The following EHD1 variants were observed in gnomAD, a reference collection of about 807,000 sequenced individuals.
EHD1 encodes EH domain containing 1.
In EHD1, 19 loss-of-function variants were observed where a neutral mutation model predicts 39.0. That is an observed-to-expected ratio of 0.49 (90% CI 0.34 to 0.72). The LOEUF is 0.72. Among genes scored for constraint, EHD1 ranks in the 30% least tolerant of loss-of-function variants. EHD1 has a pLI of 0.01. For synonymous variants in EHD1, 323 were observed against 331.2 expected (o/e 0.98, Z 0.27); for missense variants, 542 against 751.5 (o/e 0.72, Z 3.26).
rs1943864368 is a variant in EHD1, at chr11:64,874,485, C to T, written c.438G>A (p.Leu146=). ...GGGTGTCGATGATGCTGATGCTGTCCAGGACGGGGTTGGGCAGCTGGGCAC... is the reference window on the plus strand; with the variant it reads ...GGGTGTCGATGATGCTGATGCTGTCTAGGACGGGGTTGGGCAGCTGGGCAC... The part of the protein sequence containing the change: ...FMCAQLPNPV[L]DSISIIDTPG... Residue 146 remains leucine (L), a synonymous_variant, in exon 2 of 5, where the codon CTG becomes CTA. Transcript: ENST00000320631. 1.2e-6 allele frequency: 2 copies of T among 1,611,032 alleles called. No individual in the cohort carries two copies. The highest frequency in any genetic ancestry group is 1.3e-5 in the African/African-American group (1 of 74,764).
At chr11:64,855,678 G>A (rs962488501) in intron 3 of EHD1, 192 bp from the exon 4 acceptor site, 22 of 737,066 alleles carry the variant, frequency 3.0e-5, no homozygotes, top group Non-Finnish European at 4.6e-5. Context: ...TCTGGCAAGA[G>A]CCACAGCTGT....
At chr11:64,877,285 C>T (rs943326008) in intron 1 of EHD1, among the ~76,000 whole-genome samples, 4 of 152,170 alleles carry the variant, frequency 2.6e-5, no homozygotes, top group Admixed American at 6.5e-5. Flanking sequence ...CTGGAGCTCA[C>T]TCTCCTCGCG....
chr11:64,862,372 C>G (rs775870668), intron 2 of EHD1, among the ~76,000 whole-genome samples: 1 of 152,168 alleles, frequency 6.6e-6, no homozygotes, highest in Non-Finnish European at 1.5e-5. Context: ...CATGGCCTCC[C>G]AGCTTCAGAT....
rs538751200 is a variant in EHD1, at chr11:64,855,341, G to A, written c.1061C>T (p.Pro354Leu). 10 of 1,613,938 alleles carry A rather than the reference G, an allele frequency of 6.2e-6. No individual in the cohort carries two copies. Among genetic ancestry groups the A allele is most frequent in the African/African-American group, 1.3e-5 (1 of 75,030 alleles). ...CCGTACCTGCATCTTGCGGAGGCTC[G>A]GGAAGTCCCCAGGGGAGATCTGGTG... The part of the protein sequence containing the change: ...REHQISPGDF[P>L]SLRKMQELLQ... Residue 354 changes from proline to leucine, a missense_variant, in exon 4 of 5, where the codon CCG becomes CTG. Pro to Leu is a moderately conservative substitution (Grantham distance 98, BLOSUM62 -3). Coordinates refer to ENST00000320631, the MANE Select transcript of EHD1 (RefSeq NM_006795.4).
intron 4 of EHD1, 57 bp from the exon 5 acceptor site, chr11:64,854,914 G>A: frequency 6.4e-7 from 1 of 1,566,844 alleles, no homozygotes; most frequent in South Asian, 1.1e-5. Context: ...CCAGACTCCA[G>A]GCCAAGTGGT....
chr11:64,875,080 A>T (rs1358878087), intron 1 of EHD1, among the ~76,000 whole-genome samples: 1 of 152,232 alleles, frequency 6.6e-6, no homozygotes, highest in Non-Finnish European at 1.5e-5. Flanking sequence ...CCATTCTCTG[A>T]AAGTCCGAGC....
At chr11:64,855,231 T>A in intron 4 of EHD1, 91 bp downstream of exon 4, 2 of 1,503,380 alleles carry the variant, frequency 1.3e-6, no homozygotes, top group South Asian at 2.6e-5. Context: ...CCCTTCCCCA[T>A]GGAGATGGGA....
upstream of EHD1, chr11:64,878,814 CG>C: frequency 2.6e-6 from 3 of 1,173,340 alleles, no homozygotes; most frequent in Non-Finnish European, 3.2e-6. Context: ...GGCTGTGGTC[CG>C]GGTGCCGTGG....
intron 1 of EHD1, 55 bp from the exon 2 acceptor site, chr11:64,874,573 C>T (rs1342867341): frequency 1.5e-5 from 21 of 1,419,116 alleles, no homozygotes; most frequent in Non-Finnish European, 1.5e-5. Flanking sequence ...ATCACTGCTC[C>T]GGACACAACA....
chr11:64,879,617 C>G, upstream of EHD1: 1 of 1,551,098 alleles, frequency 6.4e-7, no homozygotes, highest in Non-Finnish European at 8.7e-7. Context: ...CTTACCAGTT[C>G]CTGGCTGTTC....
Position 64,854,123 on chromosome 11 carries a change from G to T in EHD1, c.*210C>A. 1.2e-6 allele frequency: 1 copy of T among 831,464 alleles called. No homozygotes were observed. The highest frequency in any genetic ancestry group is 1.8e-6 in the Non-Finnish European group (1 of 550,182). The allele number at this position is 831,464 out of a possible 1,614,324, so 51.5% of individuals were successfully genotyped here. On this transcript the variant is annotated 3_prime_UTR_variant, in exon 5 of 5. Coordinates refer to ENST00000320631, the MANE Select transcript of EHD1 (RefSeq NM_006795.4). ...AACGTTATATATTAAAATAGCCACA[G>T]TTCTTGTGCACACAATTCCATCCTC...
At chr11:64,863,981 G>A (rs759364727) in intron 2 of EHD1, among the ~76,000 whole-genome samples, 4 of 152,242 alleles carry the variant, frequency 2.6e-5, no homozygotes, top group Non-Finnish European at 5.9e-5. Context: ...GGAACAAGGG[G>A]CCAGCGGCCT....
chr11:64,872,772 G>A lies in EHD1; in HGVS notation c.502+1649C>T, dbSNP rs553847098. Among the ~76,000 whole-genome samples, 6 of 152,310 alleles carry A rather than the reference G, an allele frequency of 3.9e-5. No individual in the cohort carries two copies. In the South Asian group the frequency reaches 8.3e-4, roughly 21 times the overall value. On this transcript the variant is annotated intron_variant, in intron 2 of 4. Transcript: ENST00000320631. Reference sequence around the variant, plus strand: ...ACGGGCAAGGCCCGCAAGGCTGGAAGGAAAGAGAAGCAAGGTTTCTCAGCT... The same window carrying A: ...ACGGGCAAGGCCCGCAAGGCTGGAAAGAAAGAGAAGCAAGGTTTCTCAGCT...
At chr11:64,873,374 T>C (rs1055450022) in intron 2 of EHD1, among the ~76,000 whole-genome samples, 1 of 152,252 alleles carries the variant, frequency 6.6e-6, no homozygotes, top group African/African-American at 2.4e-5. Context: ...GGAATGTATA[T>C]GGCTTTGGGG....
At position 64,878,256 on chromosome 11, in the gene EHD1, C is replaced by T. The variant is rs1221915586; in HGVS notation, c.209G>A (p.Gly70Asp). 1 of 1,614,008 alleles carries T rather than the reference C, an allele frequency of 6.2e-7. No individual in the cohort carries two copies. The highest frequency in any genetic ancestry group is 1.7e-5 in the Admixed American group (1 of 60,006). Residue 70 changes from glycine (G) to aspartate (D), a missense_variant, in exon 1 of 5, where the codon GGC becomes GAC. By Grantham distance (94) the Gly-to-Asp change is moderately conservative. Coordinates refer to ENST00000320631, the MANE Select transcript of EHD1 (RefSeq NM_006795.4). The stretch of plus-strand genomic sequence containing the variant: ...CAGGTGTCGGATGAAGGTGGTCTTG[C>T]CCGTGCTGTACTGCCCCACGAGGAG... ...MVLLVGQYST[G>D]KTTFIRHLIE... is the part of the protein sequence containing the mutation.
chr11:64,871,037 C>T (rs984523076), intron 2 of EHD1, among the ~76,000 whole-genome samples: 7 of 152,192 alleles, frequency 4.6e-5, no homozygotes, highest in Admixed American at 1.3e-4. Flanking sequence ...CTTTTCAGAC[C>T]GTGTTTCCTG....
intron 2 of EHD1, among the ~76,000 whole-genome samples, chr11:64,867,975 G>T (rs968438238): frequency 1.3e-5 from 2 of 152,142 alleles, no homozygotes; most frequent in Admixed American, 1.3e-4. Context: ...CTCTCCAGGC[G>T]CTGGCCTTAC....
rs745572506 is a variant in EHD1 at position 64,860,039 on chromosome 11, T to C, written c.800A>G (p.Asn267Ser). Residue 267 changes from asparagine (N) to serine (S), a missense_variant, in exon 3 of 5, where the codon AAC becomes AGC. Coordinates refer to ENST00000320631, the MANE Select transcript of EHD1 (RefSeq NM_006795.4). ...FWSHPLLIPD[N>S]RKLFEAEEQD... is the part of the protein sequence containing the mutation. ...CTCCTCGGCCTCAAAGAGCTTGCGG[T>C]TGTCGGGGATGAGGAGCGGGTGGGA... 2 of 1,614,062 alleles carry C rather than the reference T, an allele frequency of 1.2e-6. No homozygotes were observed. Among genetic ancestry groups the C allele is most frequent in the Admixed American group, 3.3e-5 (2 of 60,016 alleles).
At chr11:64,873,299 G>A (rs145493304) in intron 2 of EHD1, among the ~76,000 whole-genome samples, 4 of 152,338 alleles carry the variant, frequency 2.6e-5, no homozygotes, top group Admixed American at 2.0e-4. Flanking sequence ...CCACCAGCCC[G>A]TTTCATGAAT....
Sources: gnomAD v4.1 joint callset for allele counts (sites outside exome capture counted in the v4.1 genomes callset) on GRCh38, gnomAD v4.1.1 for gene constraint, MANE v1.5 for transcripts, NCBI Gene and HGNC (gene_info 2026-07-23, HGNC 2026-07-21) for gene names.